PGM1: variants seen among roughly 807,000 people sequenced by gnomAD.
PGM1 encodes the protein phosphoglucomutase-1.
In PGM1, 52 loss-of-function variants were observed where a neutral mutation model predicts 55.6. The observed-to-expected ratio is 0.94, with a 90% confidence interval of 0.75 to 1.18. The LOEUF is 1.18. Ranked by LOEUF, PGM1 falls within the 50% of genes most tolerant of loss-of-function variation. PGM1 has a pLI of 0.00. For missense variants in PGM1, 724 were observed against 729.3 expected (o/e 0.99, Z 0.08); for synonymous variants, 287 against 271.7 (o/e 1.06, Z -0.55).
intron 1 of PGM1, among the ~76,000 whole-genome samples, chr1:63,597,066 G>A (rs1648097338): frequency 6.6e-6 from 1 of 152,188 alleles, no homozygotes; most frequent in Non-Finnish European, 1.5e-5. Context: ...ACATAGTCTG[G>A]GAGGGGTGGT....
rs777164338 is a variant in PGM1 at position 63,636,348 on chromosome 1, G to A, written c.988G>A (p.Gly330Ser). The A allele has an allele frequency of 1.1e-5, 18 of 1,614,088 alleles. No homozygotes were observed. In the East Asian group the frequency reaches 1.3e-4, roughly 12 times the overall value. Residue 330 changes from glycine (G) to serine (S), a missense_variant, in exon 6 of 11, where the codon GGC becomes AGC. Physicochemically the swap from Gly to Ser is moderately conservative, Grantham distance 56 (BLOSUM62 0). This residue lies in a region of PGM1 where 316 missense variants were observed against 313.1 expected (regional missense o/e 1.01). Coordinates refer to ENST00000371084, the MANE Select transcript of PGM1 (RefSeq NM_002633.3). ...IPYFQQTGVR[G>S]FARSMPTSGA... Reference sequence around the variant, plus strand: ...GTATTTCCAGCAGACTGGGGTCCGCGGCTTTGCACGGAGCATGCCCACGAG... The same window carrying A: ...GTATTTCCAGCAGACTGGGGTCCGCAGCTTTGCACGGAGCATGCCCACGAG...
Position 63,659,917 on chromosome 1 carries a change from G to A in PGM1, c.*242G>A, listed in dbSNP as rs925505632. The A allele has an allele frequency of 3.3e-6, 2 of 597,560 alleles. No homozygotes were observed. The highest frequency in any genetic ancestry group is 3.7e-5 in the African/African-American group (2 of 54,066). The allele number at this position is 597,560 out of a possible 1,614,324, so 37.0% of individuals were successfully genotyped here. On this transcript the variant is annotated 3_prime_UTR_variant, in exon 11 of 11. Transcript: ENST00000371084. ...ATTCCTTTTCATGCCCTCCTGCATT[G>A]CTGCTGCGTGGGTATTTGTCTCCTT...
At chr1:63,626,964 A>G (rs1395949707) in intron 1 of PGM1, among the ~76,000 whole-genome samples, 1 of 151,724 alleles carries the variant, frequency 6.6e-6, no homozygotes, top group East Asian at 1.9e-4. Context: ...GGAATCATAC[A>G]GCATTTGTCT....
chr1:63,647,279 T>TGTA (rs1649678544), intron 7 of PGM1, among the ~76,000 whole-genome samples: 1 of 51,602 alleles, frequency 1.9e-5, no homozygotes, highest in Admixed American at 1.3e-4. Flanking sequence ...TATATATATA[T>TGTA]ATATATATAT....
chr1:63,648,369 T>G, intron 7 of PGM1, 148 bp from the exon 8 acceptor site: 1 of 824,606 alleles, frequency 1.2e-6, no homozygotes. Context: ...AAGGGGGAAC[T>G]TTGTCCCCCA....
intron 8 of PGM1, among the ~76,000 whole-genome samples, 196 bp downstream of exon 8, chr1:63,648,848 G>A (rs1265602128): frequency 6.6e-6 from 1 of 152,208 alleles, no homozygotes; most frequent in African/African-American, 2.4e-5. Flanking sequence ...AAAGAGTGAG[G>A]CTTTAAAAGT....
At chr1:63,651,231 G>A (rs994362707) in intron 8 of PGM1, 12 of 177,056 alleles carry the variant, frequency 6.8e-5, no homozygotes, top group Admixed American at 1.1e-4. Flanking sequence ...GCTGGGAGCA[G>A]GCCCAGCATT....
At chr1:63,654,709 T>C (rs1649913482) in intron 10 of PGM1, among the ~76,000 whole-genome samples, 1 of 151,998 alleles carries the variant, frequency 6.6e-6, no homozygotes, top group Non-Finnish European at 1.5e-5. Flanking sequence ...TGAGCCAAGA[T>C]CACACCACTG....
chr1:63,659,630 G>A lies in PGM1; in HGVS notation c.1644G>A (p.Gln548=), dbSNP rs1343814427. Residue 548 remains glutamine (Q), a synonymous_variant, in exon 11 of 11, where the codon CAG becomes CAA. Coordinates refer to ENST00000371084, the MANE Select transcript of PGM1 (RefSeq NM_002633.3). ...TTTCCATTGCTCTGAAAGTGTCCCA[G>A]CTGCAGGAGAGGACGGGACGCACTG... ...PLISIALKVS[Q]LQERTGRTAP... The A allele has an allele frequency of 6.2e-7, 1 of 1,614,076 alleles. No individual in the cohort carries two copies. The highest frequency in any genetic ancestry group is 1.1e-5 in the South Asian group (1 of 91,078).
At chr1:63,631,520 GC>G in intron 3 of PGM1, 136 bp from the exon 4 acceptor site, 3 of 782,540 alleles carry the variant, frequency 3.8e-6, no homozygotes, top group Non-Finnish European at 6.7e-6. Context: ...TCACTTAACA[GC>G]CGTATTATTG....
At chr1:63,647,308 A>ATATATATG (rs1649683395) in intron 7 of PGM1, among the ~76,000 whole-genome samples, 1 of 126,104 alleles carries the variant, frequency 7.9e-6, no homozygotes, top group Non-Finnish European at 1.8e-5. Flanking sequence ...ATATATATAT[A>ATATATATG]GTATTAAACA....
At chr1:63,640,351 T>G (rs1179917422) in intron 7 of PGM1, among the ~76,000 whole-genome samples, 1 of 152,162 alleles carries the variant, frequency 6.6e-6, no homozygotes, top group Non-Finnish European at 1.5e-5. Context: ...ATGAGAGGGT[T>G]CTAGGGGTCA....
chr1:63,602,018 A>G (rs1041127604), intron 1 of PGM1, among the ~76,000 whole-genome samples: 1 of 152,240 alleles, frequency 6.6e-6, no homozygotes, highest in Non-Finnish European at 1.5e-5. Flanking sequence ...TTGAAGGATG[A>G]AATGCGATAG....
At chr1:63,623,093 T>G in intron 1 of PGM1, 1 of 386,310 alleles carries the variant, frequency 2.6e-6, no homozygotes, top group Non-Finnish European at 3.7e-6. Flanking sequence ...AGCCACCTGG[T>G]GTTTACAGCT....
chr1:63,613,292 C>G (rs1415699271), intron 1 of PGM1, among the ~76,000 whole-genome samples: 1 of 124,144 alleles, frequency 8.1e-6, no homozygotes, highest in South Asian at 2.5e-4. Flanking sequence ...AAGCACTTAG[C>G]AGTTTCCTAG....
chr1:63,610,637 G>A (rs1270886843), intron 1 of PGM1, among the ~76,000 whole-genome samples: 1 of 152,038 alleles, frequency 6.6e-6, no homozygotes. Context: ...AAGGTTTCCC[G>A]GCCATTACCC....
At chr1:63,638,359 A>G (rs1040893667) in intron 6 of PGM1, among the ~76,000 whole-genome samples, 2 of 152,206 alleles carry the variant, frequency 1.3e-5, no homozygotes, top group Admixed American at 1.3e-4. Flanking sequence ...TTATAGATTG[A>G]TTATAGATGC....
At chr1:63,641,678 T>A (rs1322366161) in intron 7 of PGM1, among the ~76,000 whole-genome samples, 3 of 152,198 alleles carry the variant, frequency 2.0e-5, no homozygotes, top group African/African-American at 7.2e-5. Flanking sequence ...TGTGGCACCA[T>A]GTACCTCTTC....
intron 1 of PGM1, among the ~76,000 whole-genome samples, chr1:63,616,491 T>G (rs901048942): frequency 6.6e-6 from 1 of 152,114 alleles, no homozygotes; most frequent in African/African-American, 2.4e-5. Flanking sequence ...GATGAGTACT[T>G]TTTACTCCAT....
Sources: gnomAD v4.1 joint callset for allele counts (sites outside exome capture counted in the v4.1 genomes callset) on GRCh38, gnomAD v4.1.1 for gene constraint, gnomAD v4.1.1 regional missense constraint, MANE v1.5 for transcripts, NCBI Gene and HGNC (gene_info 2026-07-23, HGNC 2026-07-21) for gene names.